Variants in RNF13 observed in about 807,000 individuals in gnomAD.
The protein encoded by RNF13 is ring finger protein 13, also known as E3 ubiquitin-protein ligase RNF13.
RNF13 carries 19 observed loss-of-function variants against 37.7 expected under a neutral mutation model. The observed-to-expected ratio is 0.50, with a 90% confidence interval of 0.35 to 0.74. RNF13 has a LOEUF of 0.74. Ranked by LOEUF, RNF13 falls within the 30% of genes least tolerant of loss-of-function variation. RNF13 has a pLI of 0.01. For missense variants in RNF13, 375 were observed against 453.0 expected (o/e 0.83, Z 1.56); for synonymous variants, 144 against 157.8 (o/e 0.91, Z 0.65).
intron 7 of RNF13, among the ~76,000 whole-genome samples, chr3:149,920,311 C>T (rs1454321350): frequency 6.6e-6 from 1 of 152,158 alleles, no homozygotes; most frequent in Non-Finnish European, 1.5e-5. Context: ...ACATGAGTCA[C>T]TGCAGCCTTG....
chr3:149,819,071 T>C (rs746705970), intron 1 of RNF13, among the ~76,000 whole-genome samples: 1 of 152,216 alleles, frequency 6.6e-6, no homozygotes, highest in Non-Finnish European at 1.5e-5. Flanking sequence ...TGCATAAATA[T>C]CTTAACCTCT....
intron 3 of RNF13, among the ~76,000 whole-genome samples, chr3:149,861,893 G>A (rs1253385890): frequency 2.0e-5 from 3 of 151,848 alleles, no homozygotes; most frequent in African/African-American, 4.8e-5. Flanking sequence ...ATTATCACAC[G>A]CACCCCATAA....
At chr3:149,839,872 T>A (rs1006605861) in intron 1 of RNF13, among the ~76,000 whole-genome samples, 1 of 152,264 alleles carries the variant, frequency 6.6e-6, no homozygotes, top group Non-Finnish European at 1.5e-5. Flanking sequence ...TTGTCTTTAC[T>A]GTTTCTCATC....
intron 4 of RNF13, among the ~76,000 whole-genome samples, chr3:149,879,410 G>A (rs1188165559): frequency 6.6e-6 from 1 of 151,418 alleles, no homozygotes; most frequent in African/African-American, 2.4e-5. Flanking sequence ...TGGGGCTCAG[G>A]CGATCCTTCC....
intron 4 of RNF13, among the ~76,000 whole-genome samples, chr3:149,880,225 T>C (rs1713228773): frequency 6.6e-6 from 1 of 152,208 alleles, no homozygotes; most frequent in Non-Finnish European, 1.5e-5. Flanking sequence ...AGAAAGTTAT[T>C]CTAAAGCCTT....
intron 8 of RNF13, among the ~76,000 whole-genome samples, chr3:149,953,340 C>A (rs1721525734): frequency 6.6e-6 from 1 of 152,188 alleles, no homozygotes; most frequent in African/African-American, 2.4e-5. Context: ...CAGGCACTAT[C>A]ATCTCACCAT....
chr3:149,932,283 C>T (rs1385218809), intron 8 of RNF13, among the ~76,000 whole-genome samples: 1 of 152,076 alleles, frequency 6.6e-6, no homozygotes, highest in East Asian at 1.9e-4. Flanking sequence ...AGTAGCCATA[C>T]TAATTTATAT....
chr3:149,928,569 TAG>T (rs1460838134), intron 8 of RNF13, among the ~76,000 whole-genome samples: 1 of 152,200 alleles, frequency 6.6e-6, no homozygotes, highest in Admixed American at 6.5e-5. Flanking sequence ...TTGATTACTC[TAG>T]TTTTGTAGTA....
Position 149,872,165 on chromosome 3 carries a change from C to G in RNF13, c.321+11C>G. The G allele has an allele frequency of 2.6e-6, 4 of 1,512,938 alleles. No individual in the cohort carries two copies. The highest frequency in any genetic ancestry group is 3.6e-6 in the Non-Finnish European group (4 of 1,118,250). The allele number at this position is 1,512,938 out of a possible 1,614,324, so 93.7% of individuals were successfully genotyped here. On this transcript the variant is annotated intron_variant, in intron 4 of 9. Transcript: ENST00000392894. ...AATTTTGATATAAAGGTATGATTAT[C>G]TTTTTTCATTTTTTGTTTCCTATTT...
intron 1 of RNF13, among the ~76,000 whole-genome samples, chr3:149,845,085 G>A (rs1404281253): frequency 6.6e-6 from 1 of 152,044 alleles, no homozygotes; most frequent in Non-Finnish European, 1.5e-5. Flanking sequence ...TTTGTAAATG[G>A]TACCTTAAAA....
chr3:149,923,718 A>C (rs1718374567), intron 8 of RNF13, among the ~76,000 whole-genome samples: 1 of 149,368 alleles, frequency 6.7e-6, no homozygotes, highest in South Asian at 2.1e-4. Context: ...GTGAGCCGAG[A>C]TCACACGACT....
intron 3 of RNF13, among the ~76,000 whole-genome samples, chr3:149,866,833 A>G (rs962441477): frequency 1.3e-5 from 2 of 152,076 alleles, no homozygotes; most frequent in African/African-American, 2.4e-5. Context: ...CTTGCCATGT[A>G]TTTGTGAAGT....
chr3:149,904,421 C>T (rs1438248568), intron 6 of RNF13, among the ~76,000 whole-genome samples: 1 of 151,956 alleles, frequency 6.6e-6, no homozygotes, highest in Admixed American at 6.6e-5. Flanking sequence ...TACTCTGTTG[C>T]CCAGGCTGGA....
In RNF13 at chr3:149,939,018, T is replaced by C. The variant is rs1719986888; in HGVS notation, c.700+17791T>C. 3 of 481,128 alleles carry C rather than the reference T, an allele frequency of 6.2e-6. No individual in the cohort carries two copies. The Admixed American group carries it at 7.6e-5, about 12-fold the overall frequency. 29.8% of individuals were successfully genotyped at this position (481,128 alleles called of 1,614,324 possible). A position where few individuals can be genotyped will look rare whatever the true frequency, so the allele number is the denominator to read the frequency against. ...AAGAGACTTCCTCCACTGCCAGAGATTTTGAATAACCTCCTGGTCAGTCAT... is the reference window on the plus strand; with the variant it reads ...AAGAGACTTCCTCCACTGCCAGAGACTTTGAATAACCTCCTGGTCAGTCAT... On this transcript the variant is annotated intron_variant, in intron 8 of 9. Transcript: ENST00000392894.
intron 8 of RNF13, among the ~76,000 whole-genome samples, chr3:149,929,462 A>G (rs958890377): frequency 6.6e-6 from 1 of 152,124 alleles, no homozygotes; most frequent in Non-Finnish European, 1.5e-5. Flanking sequence ...ACACAGCCAA[A>G]CCATATCACA....
intron 8 of RNF13, among the ~76,000 whole-genome samples, chr3:149,931,936 G>C (rs867162857): frequency 6.6e-6 from 1 of 152,086 alleles, no homozygotes; most frequent in Non-Finnish European, 1.5e-5. Context: ...GAGAACATGG[G>C]ATATTTGTCT....
intron 6 of RNF13, among the ~76,000 whole-genome samples, chr3:149,909,480 G>T (rs1716765560): frequency 7.7e-6 from 1 of 129,818 alleles, no homozygotes; most frequent in Non-Finnish European, 1.6e-5. Context: ...TAGTAGAGAT[G>T]GGGTTTTGCC....
At chr3:149,935,217 A>G (rs768292273) in intron 8 of RNF13, among the ~76,000 whole-genome samples, 1 of 151,990 alleles carries the variant, frequency 6.6e-6, no homozygotes, top group Non-Finnish European at 1.5e-5. Flanking sequence ...TTGTTTTCCA[A>G]TTGCATGGAA....
At chr3:149,860,336 A>G (rs1724131931) in intron 3 of RNF13, among the ~76,000 whole-genome samples, 1 of 148,714 alleles carries the variant, frequency 6.7e-6, no homozygotes, top group South Asian at 2.1e-4. Flanking sequence ...CATAATGTAT[A>G]CACACATATA....
Sources: gnomAD v4.1 joint callset for allele counts (sites outside exome capture counted in the v4.1 genomes callset) on GRCh38, gnomAD v4.1.1 for gene constraint, MANE v1.5 for transcripts, NCBI Gene and HGNC (gene_info 2026-07-23, HGNC 2026-07-21) for gene names.